Variants in RP1 observed in about 807,000 individuals in gnomAD.
RP1 encodes the protein oxygen-regulated protein 1.
RP1 carries 16 observed loss-of-function variants against 14.8 expected under a neutral mutation model. The observed-to-expected ratio is 1.08, with a 90% CI of 0.73 to 1.65. The LOEUF (loss-of-function observed/expected upper bound fraction) is 1.65. Ranked by LOEUF, RP1 falls within the 40% of genes most tolerant of loss-of-function variation. The pLI, the probability that RP1 is intolerant of heterozygous loss-of-function variation, is 0.00. For missense variants in RP1, 2,631 were observed against 2,535.0 expected, an observed-to-expected ratio of 1.04 and a Z score of -0.81; for synonymous variants, 876 against 883.6, an observed-to-expected ratio of 0.99 and a Z score of 0.15.
intron 21 of RP1, among the ~76,000 whole-genome samples, chr8:54,756,143 C>CATATAATAATATGATATATATAT (rs1809500081): frequency 6.6e-6 from 1 of 152,190 alleles, no homozygotes; most frequent in Non-Finnish European, 1.5e-5. Flanking sequence ...TACTATATTT[C>CATATAATAATATGATATATATAT]ATATAATAAC....
chr8:54,625,013 A>T lies in RP1; in HGVS notation c.1131A>T (p.Ser377=). The change falls in exon 4 of 4, where the codon TCA becomes TCT. Residue 377 remains serine (S), a synonymous_variant. Coordinates refer to ENST00000220676, the MANE Select transcript of RP1 (RefSeq NM_006269.2). The part of the protein sequence containing the change: ...MSFPGRTESR[S]SGLKLAACSF... ...TTCCAGGAAGAACAGAAAGTCGATC[A>T]TCTGGTTTAAAGCTTGCAGCATGTT... The T allele has an allele frequency of 6.2e-7, 1 of 1,614,208 alleles. No homozygotes were observed. The highest frequency in any genetic ancestry group is 1.1e-5 in the South Asian group (1 of 91,078).
At chr8:54,743,950 CAT>C (rs1809160861) in intron 19 of RP1, among the ~76,000 whole-genome samples, 1 of 152,188 alleles carries the variant, frequency 6.6e-6, no homozygotes, top group South Asian at 2.1e-4. Flanking sequence ...GAGTTTCCCA[CAT>C]GAGTTTTGGA....
intron 1 of RP1, among the ~76,000 whole-genome samples, chr8:54,603,450 A>G (rs1805346292): frequency 2.0e-5 from 3 of 152,124 alleles, no homozygotes; most frequent in African/African-American, 7.2e-5. Flanking sequence ...GCCTTGTAGT[A>G]TAGTTTGAAG....
chr8:54,812,093 T>A (rs991947621), intron 24 of RP1, among the ~76,000 whole-genome samples: 6 of 152,240 alleles, frequency 3.9e-5, no homozygotes, highest in Admixed American at 2.6e-4. Context: ...GAAAAACTTA[T>A]AGATGTCATC....
At chr8:54,831,899 T>C (rs2129401362) in intron 24 of RP1, among the ~76,000 whole-genome samples, 1 of 151,988 alleles carries the variant, frequency 6.6e-6, no homozygotes, top group African/African-American at 2.4e-5. Context: ...TACCTTCATT[T>C]TTAAAGAATA....
intron 25 of RP1, among the ~76,000 whole-genome samples, chr8:54,843,638 G>A (rs1338642433): frequency 6.6e-6 from 1 of 152,196 alleles, no homozygotes; most frequent in East Asian, 1.9e-4. Flanking sequence ...CTGAGAGAAA[G>A]CACTAAAACG....
intron 1 of RP1, among the ~76,000 whole-genome samples, chr8:54,587,456 A>C (rs1432407143): frequency 6.6e-6 from 1 of 151,044 alleles, no homozygotes; most frequent in Non-Finnish European, 1.5e-5. Flanking sequence ...GAGAGAGAGC[A>C]TGTCCATTTT....
At chr8:54,793,139 G>T (rs1449278627) in intron 24 of RP1, among the ~76,000 whole-genome samples, 2 of 151,372 alleles carry the variant, frequency 1.3e-5, no homozygotes, top group Admixed American at 6.6e-5. Flanking sequence ...GAAACATGAA[G>T]AAATAGAAAG....
chr8:54,734,692 G>T (rs1808876151), exon 18 of RP1: 5 of 1,535,518 alleles, frequency 3.3e-6, no homozygotes, highest in Non-Finnish European at 4.4e-6. Flanking sequence ...ATAAGTCTTC[G>T]CAAGGACAGC....
chr8:54,833,043 C>CTTT (rs1445102289), intron 24 of RP1, among the ~76,000 whole-genome samples: 4 of 151,938 alleles, frequency 2.6e-5, no homozygotes, highest in Non-Finnish European at 5.9e-5. Context: ...TCTTTGAGCT[C>CTTT]CTTGCAGTCA....
intron 13 of RP1, chr8:54,699,616 C>CTG: frequency 2.2e-6 from 2 of 921,492 alleles, no homozygotes; most frequent in Non-Finnish European, 3.0e-6. Flanking sequence ...AGTATTATGT[C>CTG]TGTATATTTT....
chr8:54,609,319 T>C (rs560042273), intron 1 of RP1, among the ~76,000 whole-genome samples: 1 of 150,596 alleles, frequency 6.6e-6, no homozygotes, highest in Middle Eastern at 3.4e-3. Flanking sequence ...CTGGGTGTGG[T>C]GATGCACTCC....
intron 12 of RP1, among the ~76,000 whole-genome samples, chr8:54,685,059 T>C (rs1807529158): frequency 6.6e-6 from 1 of 152,028 alleles, no homozygotes; most frequent in Non-Finnish European, 1.5e-5. Context: ...AGGTGATGGG[T>C]TGATAGGTGC....
intron 24 of RP1, among the ~76,000 whole-genome samples, chr8:54,822,062 G>C (rs905358114): frequency 1.3e-5 from 2 of 152,190 alleles, no homozygotes; most frequent in South Asian, 2.1e-4. Context: ...AGTTGAGACT[G>C]TGAAAAGCCA....
At chr8:54,856,471 T>C (rs1275557002) in intron 26 of RP1, among the ~76,000 whole-genome samples, 1 of 152,188 alleles carries the variant, frequency 6.6e-6, no homozygotes, top group Admixed American at 6.6e-5. Context: ...TTTCAATACA[T>C]AGTTTATTTA....
intron 28 of RP1, among the ~76,000 whole-genome samples, chr8:54,866,189 T>G (rs1354873854): frequency 6.6e-6 from 1 of 152,220 alleles, no homozygotes; most frequent in Non-Finnish European, 1.5e-5. Context: ...TTCTTCTTTC[T>G]GTTTCTAAAA....
At position 54,630,400 on chromosome 8, in the gene RP1, GAGATGA is replaced by G. The variant is rs1375358654; in HGVS notation, c.*50_*55del. On this transcript the variant is annotated 3_prime_UTR_variant, in exon 4 of 4. Transcript: ENST00000220676. ...TCTTTGTCAATTCATTTTTTCCCATGAGATGAAGCACATGTGACGAATACGGACTAG... is the reference window on the plus strand; with the variant it reads ...TCTTTGTCAATTCATTTTTTCCCATGAGCACATGTGACGAATACGGACTAG... The G allele has an allele frequency of 6.2e-7, 1 of 1,607,754 alleles. No homozygotes were observed. The highest frequency in any genetic ancestry group is 1.7e-5 in the Admixed American group (1 of 59,514).
At chr8:54,782,774 C>T (rs1281765411) in intron 23 of RP1, among the ~76,000 whole-genome samples, 1 of 152,114 alleles carries the variant, frequency 6.6e-6, no homozygotes, top group Non-Finnish European at 1.5e-5. Context: ...TCTAACTAAA[C>T]CAATCATAAA....
At chr8:54,775,784 A>G (rs1017736839) in intron 23 of RP1, among the ~76,000 whole-genome samples, 3 of 152,252 alleles carry the variant, frequency 2.0e-5, no homozygotes, top group Non-Finnish European at 4.4e-5. Flanking sequence ...ATAGGCTCAT[A>G]CAGACCTGCA....
Sources: gnomAD v4.1 joint callset for allele counts (sites outside exome capture counted in the v4.1 genomes callset) on GRCh38, gnomAD v4.1.1 for gene constraint, MANE v1.5 for transcripts, NCBI Gene and HGNC (gene_info 2026-07-23, HGNC 2026-07-21) for gene names.